Variants in ADAM18 observed in about 807,000 individuals in gnomAD.
The protein encoded by ADAM18 is disintegrin and metalloproteinase domain-containing protein 18.
In ADAM18, 117 loss-of-function variants were observed where a neutral mutation model predicts 94.4. The observed-to-expected ratio is 1.24, with a 90% CI of 1.07 to 1.45. The LOEUF is 1.45. Ranked by LOEUF, ADAM18 falls within the 40% of genes most tolerant of loss-of-function variation. The probability of loss-of-function intolerance (pLI) is 0.00; values close to 1 mark genes in which losing one functional copy is unlikely to be tolerated. For missense variants in ADAM18, 936 were observed against 880.0 expected, an observed-to-expected ratio of 1.06 and a Z score of -0.81; for synonymous variants, 327 against 291.6, an observed-to-expected ratio of 1.12 and a Z score of -1.24.
At chr8:39,689,468 T>C (rs550610251) in intron 16 of ADAM18, among the ~76,000 whole-genome samples, 1 of 152,332 alleles carries the variant, frequency 6.6e-6, no homozygotes, top group Non-Finnish European at 1.5e-5. Flanking sequence ...GCCCATTGCT[T>C]GTTTTTGTCA....
intron 7 of ADAM18, among the ~76,000 whole-genome samples, chr8:39,632,696 A>T (rs1194306704): frequency 6.6e-6 from 1 of 151,932 alleles, no homozygotes; most frequent in African/African-American, 2.4e-5. Flanking sequence ...TCTTCTTCTT[A>T]TAGTCTCTTC....
chr8:39,606,401 G>A lies in ADAM18; in HGVS notation c.188+39G>A, dbSNP rs1332664985. Reference sequence around the variant, plus strand: ...TTTTTTTCATTAAGGAAAAGGGAAAGCTTTAAGTTTAGATTTTACAGCCTT... The same window carrying A: ...TTTTTTTCATTAAGGAAAAGGGAAAACTTTAAGTTTAGATTTTACAGCCTT... On this transcript the variant is annotated intron_variant, in intron 3 of 19. Coordinates refer to ENST00000265707, the MANE Select transcript of ADAM18 (RefSeq NM_014237.3). 2.2e-6 allele frequency: 3 copies of A among 1,355,904 alleles called. No individual in the cohort carries two copies. The East Asian group carries it at 7.2e-5, about 32-fold the overall frequency. 84.0% of individuals were successfully genotyped at this position (1,355,904 alleles called of 1,614,324 possible). A position where few individuals can be genotyped will look rare whatever the true frequency, so the allele number is the denominator to read the frequency against.
chr8:39,641,837 C>G (rs755961652), intron 10 of ADAM18, among the ~76,000 whole-genome samples: 9 of 152,254 alleles, frequency 5.9e-5, no homozygotes, highest in Middle Eastern at 3.4e-3. Context: ...AAACACCACG[C>G]TGTTTTCCAC....
At chr8:39,681,505 G>A (rs1322214267) in intron 16 of ADAM18, among the ~76,000 whole-genome samples, 3 of 152,170 alleles carry the variant, frequency 2.0e-5, no homozygotes, top group African/African-American at 7.2e-5. Context: ...GTTGTTTAAT[G>A]TCATTAATTT....
rs1295662502 is a variant in ADAM18, at chr8:39,711,662, A to T, written c.2017+4758A>T. Reference sequence around the variant, plus strand: ...AAAAGTGAATTTGGGCAGAGAGAAAAAAGAAGCAGTAAACTTGTAGGCAGA... The same window carrying T: ...AAAAGTGAATTTGGGCAGAGAGAAATAAGAAGCAGTAAACTTGTAGGCAGA... On this transcript the variant is annotated intron_variant, in intron 18 of 19. Coordinates refer to ENST00000265707, the MANE Select transcript of ADAM18 (RefSeq NM_014237.3). Among the ~76,000 whole-genome samples the T allele has an allele frequency of 7.2e-5, 11 of 152,254 alleles. No homozygotes were observed. In the East Asian group the frequency reaches 1.9e-3, roughly 27 times the overall value.
intron 2 of ADAM18, among the ~76,000 whole-genome samples, chr8:39,605,213 T>C (rs909775747): frequency 2.0e-5 from 3 of 152,222 alleles, no homozygotes; most frequent in African/African-American, 7.2e-5. Context: ...TCTCTTGACA[T>C]TTGTTTGCCT....
chr8:39,667,905 T>G, intron 13 of ADAM18, 93 bp from the exon 14 acceptor site: 3 of 1,308,932 alleles, frequency 2.3e-6, no homozygotes, highest in Non-Finnish European at 3.2e-6. Context: ...CAAATATCAA[T>G]AATTAGAAAC....
chr8:39,621,457 G>A (rs1205712964), intron 6 of ADAM18, among the ~76,000 whole-genome samples: 1 of 151,154 alleles, frequency 6.6e-6, no homozygotes, highest in African/African-American at 2.4e-5. Context: ...ATTTTCTAGT[G>A]TTTCAATTTT....
At chr8:39,727,588 G>T (rs746425703) in intron 19 of ADAM18, among the ~76,000 whole-genome samples, 1 of 152,132 alleles carries the variant, frequency 6.6e-6, no homozygotes, top group Non-Finnish European at 1.5e-5. Flanking sequence ...CTGCCAAGGC[G>T]TAACACACAT....
intron 2 of ADAM18, among the ~76,000 whole-genome samples, chr8:39,586,380 G>A (rs1307483335): frequency 6.6e-6 from 1 of 152,154 alleles, no homozygotes; most frequent in Non-Finnish European, 1.5e-5. Flanking sequence ...TTAGCATGTA[G>A]AGTCTAATCT....
At chr8:39,726,305 A>C (rs1206740273) in intron 19 of ADAM18, among the ~76,000 whole-genome samples, 1 of 150,246 alleles carries the variant, frequency 6.7e-6, no homozygotes, top group Non-Finnish European at 1.5e-5. Context: ...TATATATATA[A>C]TTTGTAGAGA....
chr8:39,606,419 A>G, intron 3 of ADAM18, 57 bp downstream of exon 3: 1 of 1,188,788 alleles, frequency 8.4e-7, no homozygotes, highest in Admixed American at 2.4e-5. Flanking sequence ...TTTAGATTTT[A>G]CAGCCTTAAA....
At chr8:39,711,521 A>C (rs562214836) in intron 18 of ADAM18, among the ~76,000 whole-genome samples, 2 of 152,290 alleles carry the variant, frequency 1.3e-5, no homozygotes, top group East Asian at 3.9e-4. Flanking sequence ...AATCAAGAAA[A>C]ACATGTATGG....
chr8:39,585,883 C>A (rs567739015), intron 2 of ADAM18, among the ~76,000 whole-genome samples: 1 of 152,228 alleles, frequency 6.6e-6, no homozygotes, highest in South Asian at 2.1e-4. Flanking sequence ...AAATTACTAA[C>A]CTGCCTGCTA....
chr8:39,609,468 T>C lies in ADAM18; in HGVS notation c.268-17T>C. The C allele has an allele frequency of 6.3e-7, 1 of 1,597,162 alleles. No individual in the cohort carries two copies. The highest frequency in any genetic ancestry group is 1.1e-5 in the South Asian group (1 of 90,018). ...CACAACGAATTTATATACTTGCCTT[T>C]CTATACTGTTTTTCAGATGCATTGC... is the stretch of plus-strand genomic sequence containing the variant. On this transcript the variant is annotated splice_polypyrimidine_tract_variant and intron_variant, in intron 4 of 19. Transcript: ENST00000265707.
chr8:39,699,653 C>A (rs1050664502), intron 17 of ADAM18, among the ~76,000 whole-genome samples: 1 of 152,058 alleles, frequency 6.6e-6, no homozygotes, highest in African/African-American at 2.4e-5. Flanking sequence ...AGTTTTTCAT[C>A]TAATAACTGG....
chr8:39,695,718 C>T (rs1171876904), intron 17 of ADAM18, among the ~76,000 whole-genome samples: 2 of 151,324 alleles, frequency 1.3e-5, no homozygotes, highest in East Asian at 3.9e-4. Context: ...TTTCACTTAG[C>T]ATGATATTTT....
chr8:39,672,686 A>G (rs1410008714), intron 14 of ADAM18, among the ~76,000 whole-genome samples: 1 of 152,172 alleles, frequency 6.6e-6, no homozygotes, highest in Non-Finnish European at 1.5e-5. Flanking sequence ...CATAGAAGAA[A>G]ATCCCCATAA....
chr8:39,639,261 G>A (rs192629590), intron 10 of ADAM18, among the ~76,000 whole-genome samples: 7 of 151,930 alleles, frequency 4.6e-5, no homozygotes, highest in South Asian at 2.1e-4. Context: ...TGAATCATGC[G>A]TCCTCCCACC....
Sources: gnomAD v4.1 joint callset for allele counts (sites outside exome capture counted in the v4.1 genomes callset) on GRCh38, gnomAD v4.1.1 for gene constraint, MANE v1.5 for transcripts, NCBI Gene and HGNC (gene_info 2026-07-23, HGNC 2026-07-21) for gene names.